Variants in EPB41L2 observed in about 807,000 individuals in gnomAD.
The protein encoded by EPB41L2 is band 4.1-like protein 2.
Under a neutral mutation model 113.0 loss-of-function variants are expected in EPB41L2, and 43 were observed. The ratio of observed to expected loss-of-function variants is 0.38; its 90% confidence interval spans 0.30 to 0.49. The LOEUF (loss-of-function observed/expected upper bound fraction) is 0.49. EPB41L2 is among the 20% of genes least tolerant of loss of function. The pLI, the probability that EPB41L2 is intolerant of heterozygous loss-of-function variation, is 0.95. For synonymous variants in EPB41L2, 442 were observed against 436.7 expected, an observed-to-expected ratio of 1.01 and a Z score of -0.15; for missense variants, 1,147 against 1,223.4, an observed-to-expected ratio of 0.94 and a Z score of 0.93.
In EPB41L2 at chr6:130,894,362, T is replaced by C. The variant is rs765855989; in HGVS notation, c.1469A>G (p.Glu490Gly). The change falls in exon 10 of 20, where the codon GAG becomes GGG. Residue 490 changes from glutamate (E) to glycine (G), a missense_variant. Transcript: ENST00000337057. The part of the protein sequence containing the change: ...AAKRLWKVCV[E>G]HHTFYRLVSP... ...AAATTACCTGTAGAAAGTATGATGCTCCACGCACACTTTCCATAGTCTTTT... is the reference window on the plus strand; with the variant it reads ...AAATTACCTGTAGAAAGTATGATGCCCCACGCACACTTTCCATAGTCTTTT... 2 of 1,613,712 alleles carry C rather than the reference T, an allele frequency of 1.2e-6. No individual in the cohort carries two copies. The highest frequency in any genetic ancestry group is 2.2e-5 in the South Asian group (2 of 91,054).
intron 1 of EPB41L2, among the ~76,000 whole-genome samples, chr6:130,979,492 CAAAAAA>C: frequency 1.2e-5 from 1 of 85,306 alleles, no homozygotes; most frequent in African/African-American, 4.5e-5. Context: ...GAGACTCTGT[CAAAAAA>C]AAAAAAAAAA....
chr6:130,982,836 T>C (rs184896791), intron 1 of EPB41L2, among the ~76,000 whole-genome samples: 51 of 152,248 alleles, frequency 3.3e-4, no homozygotes, highest in African/African-American at 9.6e-4. Context: ...TCAAAGAAAA[T>C]GAGGCTCGGA....
In EPB41L2 at chr6:130,956,427, G is replaced by A. The variant is rs1817454319; in HGVS notation, c.59C>T (p.Thr20Ile). 4.3e-6 allele frequency: 7 copies of A among 1,614,088 alleles called. No homozygotes were observed. Among genetic ancestry groups the A allele is most frequent in the Non-Finnish European group, 5.9e-6 (7 of 1,180,026 alleles). ...EVKKDSSQLG[T>I]DATKEKPKEV... Reference sequence around the variant, plus strand: ...TTTAGGTTTTTCCTTGGTTGCATCTGTTCCTAACTGGCTAGAGTCCTTCTT... The same window carrying A: ...TTTAGGTTTTTCCTTGGTTGCATCTATTCCTAACTGGCTAGAGTCCTTCTT... Residue 20 changes from threonine to isoleucine, a missense_variant, in exon 2 of 20, where the codon ACA becomes ATA. Transcript: ENST00000337057.
chr6:130,988,562 T>A (rs1364366768), intron 1 of EPB41L2, among the ~76,000 whole-genome samples: 1 of 152,118 alleles, frequency 6.6e-6, no homozygotes, highest in East Asian at 1.9e-4. Context: ...CGGGGGAGAC[T>A]ACAGCAGGGC....
intron 11 of EPB41L2, among the ~76,000 whole-genome samples, chr6:130,885,864 A>G (rs1273125818): frequency 6.6e-6 from 1 of 152,150 alleles, no homozygotes; most frequent in African/African-American, 2.4e-5. Flanking sequence ...CTTAACACGA[A>G]CTATGGTAAA....
At chr6:130,935,855 C>A (rs917511262) in intron 3 of EPB41L2, among the ~76,000 whole-genome samples, 1 of 152,066 alleles carries the variant, frequency 6.6e-6, no homozygotes, top group Non-Finnish European at 1.5e-5. Context: ...AAGGCTATTC[C>A]AGGAACCAAT....
At chr6:131,029,874 T>C (rs1791716548) in intron 1 of EPB41L2, among the ~76,000 whole-genome samples, 1 of 149,470 alleles carries the variant, frequency 6.7e-6, no homozygotes, top group Non-Finnish European at 1.5e-5. Context: ...AACAATGGAA[T>C]CCTCAAGGGA....
At chr6:130,875,995 A>AG (rs1787435434) in intron 14 of EPB41L2, among the ~76,000 whole-genome samples, 1 of 151,774 alleles carries the variant, frequency 6.6e-6, no homozygotes, top group Non-Finnish European at 1.5e-5. Context: ...AAAAAAAAAA[A>AG]AAAGAAGAAA....
chr6:130,899,080 C>T (rs1390363209), intron 8 of EPB41L2, among the ~76,000 whole-genome samples: 1 of 152,056 alleles, frequency 6.6e-6, no homozygotes, highest in Non-Finnish European at 1.5e-5. Flanking sequence ...GAAAGTGGTC[C>T]CATGCTACTT....
At chr6:131,053,885 T>C (rs1797110390) in intron 1 of EPB41L2, among the ~76,000 whole-genome samples, 1 of 152,244 alleles carries the variant, frequency 6.6e-6, no homozygotes, top group Non-Finnish European at 1.5e-5. Flanking sequence ...GTGCAGCCCT[T>C]AATTGCCAGT....
chr6:131,050,468 C>G (rs1796296351), intron 1 of EPB41L2, among the ~76,000 whole-genome samples: 1 of 152,144 alleles, frequency 6.6e-6, no homozygotes, highest in African/African-American at 2.4e-5. Context: ...TCTCTAAAAC[C>G]CACTGGGCAA....
intron 1 of EPB41L2, among the ~76,000 whole-genome samples, chr6:130,969,064 C>A (rs1776088019): frequency 6.6e-6 from 1 of 152,072 alleles, no homozygotes; most frequent in African/African-American, 2.4e-5. Context: ...CTATAGATCA[C>A]CAATATATTA....
chr6:131,056,639 T>A (rs763348320), intron 1 of EPB41L2, among the ~76,000 whole-genome samples: 2 of 152,230 alleles, frequency 1.3e-5, no homozygotes, highest in African/African-American at 2.4e-5. Flanking sequence ...AGGTCTCTTC[T>A]TAACCTAACA....
At chr6:130,848,014 C>T (rs1243579394) in intron 19 of EPB41L2, among the ~76,000 whole-genome samples, 4 of 151,986 alleles carry the variant, frequency 2.6e-5, no homozygotes, top group Non-Finnish European at 5.9e-5. Flanking sequence ...ACAAAGCTTT[C>T]ATCTTTTAGA....
At chr6:130,941,564 G>C (rs1269094205) in intron 3 of EPB41L2, among the ~76,000 whole-genome samples, 1 of 152,146 alleles carries the variant, frequency 6.6e-6, no homozygotes, top group Non-Finnish European at 1.5e-5. Context: ...ATTCATACAG[G>C]CTTTCTGTGC....
At chr6:131,016,957 G>C (rs1412947754) in intron 1 of EPB41L2, among the ~76,000 whole-genome samples, 5 of 151,888 alleles carry the variant, frequency 3.3e-5, no homozygotes, top group African/African-American at 1.2e-4. Flanking sequence ...AATAACACTT[G>C]TTCTAAACAC....
intron 1 of EPB41L2, among the ~76,000 whole-genome samples, chr6:130,992,842 G>C (rs988217122): frequency 1.3e-5 from 2 of 152,006 alleles, no homozygotes; most frequent in African/African-American, 4.8e-5. Flanking sequence ...GGCCAGGACG[G>C]TCTTGACCTC....
At chr6:131,043,804 T>C (rs1202746942) in intron 1 of EPB41L2, among the ~76,000 whole-genome samples, 1 of 152,162 alleles carries the variant, frequency 6.6e-6, no homozygotes, top group Non-Finnish European at 1.5e-5. Context: ...GTCTCATCTT[T>C]TATAGATACG....
intron 19 of EPB41L2, among the ~76,000 whole-genome samples, chr6:130,852,525 G>A (rs895141018): frequency 6.6e-6 from 1 of 152,118 alleles, no homozygotes; most frequent in African/African-American, 2.4e-5. Context: ...TGTATTGCAC[G>A]ATTCAAATTA....
Sources: allele counts gnomAD v4.1 joint callset (sites outside exome capture counted in the v4.1 genomes callset), GRCh38; gene constraint gnomAD v4.1.1; transcripts MANE v1.5; gene names NCBI Gene and HGNC (gene_info 2026-07-23, HGNC 2026-07-21).